SOD2: variants seen among roughly 807,000 people sequenced by gnomAD.
The protein encoded by SOD2 is superoxide dismutase 2, also known as superoxide dismutase [Mn], mitochondrial.
In SOD2, 11 loss-of-function variants were observed where a neutral mutation model predicts 27.0. That is an observed-to-expected ratio of 0.41 (90% confidence interval 0.26 to 0.67). SOD2 has a LOEUF of 0.67. Ranked by LOEUF, SOD2 falls within the 30% of genes least tolerant of loss-of-function variation. The probability of loss-of-function intolerance (pLI) is 0.34; values close to 1 mark genes in which losing one functional copy is unlikely to be tolerated. For synonymous variants in SOD2, 105 were observed against 103.0 expected (o/e 1.02, Z -0.12); for missense variants, 250 against 274.5 (o/e 0.91, Z 0.63).
chr6:159,735,342 T>C (rs1778842244), intron 1 of SOD2, among the ~76,000 whole-genome samples: 2 of 152,332 alleles, frequency 1.3e-5, no homozygotes, highest in African/African-American at 4.8e-5. Flanking sequence ...AGTTTCACCA[T>C]GTTGGCCAGA....
chr6:159,761,576 G>A (rs1486943838), exon 1 of SOD2: 2 of 456,050 alleles, frequency 4.4e-6, no homozygotes, highest in South Asian at 3.1e-5. Context: ...GAGCTGTGCT[G>A]AGACCCGCCG....
At chr6:159,733,677 G>GCTGAGGTGGGCAGATCAC (rs1778728598) in intron 1 of SOD2, among the ~76,000 whole-genome samples, 1 of 152,086 alleles carries the variant, frequency 6.6e-6, no homozygotes, top group African/African-American at 2.4e-5. Flanking sequence ...CACTTGGGAG[G>GCTGAGGTGGGCAGATCAC]CTGAGGTGGG....
chr6:159,753,417 A>C, intron 1 of SOD2: 1 of 1,613,444 alleles, frequency 6.2e-7, no homozygotes, highest in African/African-American at 1.3e-5. Context: ...AAAGACAGAG[A>C]GTTTTGTCTT....
chr6:159,712,485 G>A (rs200952446), intron 1 of SOD2, among the ~76,000 whole-genome samples: 55 of 34,144 alleles, frequency 1.6e-3, no homozygotes, highest in South Asian at 6.2e-3. Context: ...CCACCACTCA[G>A]CTGCTCTGAC....
chr6:159,699,023 ATTGCTG>A (rs1202899826), intron 1 of SOD2, among the ~76,000 whole-genome samples: 4 of 152,012 alleles, frequency 2.6e-5, no homozygotes, highest in Non-Finnish European at 5.9e-5. Context: ...GGTCAAGTGT[ATTGCTG>A]TTAAACCTGT....
At chr6:159,727,405 CAGT>C, upstream of SOD2, 1 of 1,208,754 alleles carries the variant, frequency 8.3e-7, no homozygotes, top group Non-Finnish European at 1.1e-6. Flanking sequence ...AGGCGGGAGG[CAGT>C]GGCGCTGGCC....
At position 159,673,813 on chromosome 6, in the gene SOD2, G is replaced by A. The variant is rs1779718858; in HGVS notation, c.*8680C>T. 4 of 152,122 alleles carry A rather than the reference G, an allele frequency of 2.6e-5. No individual in the cohort carries two copies. The highest frequency in any genetic ancestry group is 9.7e-5 in the African/African-American group (4 of 41,424). The allele number at this position is 152,122 out of a possible 1,614,324, so 9.4% of individuals were successfully genotyped here. A position where few individuals can be genotyped will look rare whatever the true frequency, so the allele number is the denominator to read the frequency against. On this transcript the variant is annotated 3_prime_UTR_variant, in exon 5 of 5. Transcript: ENST00000538183. Reference sequence around the variant, plus strand: ...AAAAAATGAATGAATCCAGGAGCTGGTTTTTTGAAAAGATAAACACAATTG... The same window carrying A: ...AAAAAATGAATGAATCCAGGAGCTGATTTTTTGAAAAGATAAACACAATTG...
chr6:159,700,180 T>C (rs1777499741), intron 1 of SOD2, among the ~76,000 whole-genome samples: 1 of 152,216 alleles, frequency 6.6e-6, no homozygotes, highest in African/African-American at 2.4e-5. Flanking sequence ...ACAAAACATA[T>C]TTAAGAGTGG....
At chr6:159,715,728 C>T (rs779526343) in intron 1 of SOD2, among the ~76,000 whole-genome samples, 31 of 151,650 alleles carry the variant, frequency 2.0e-4, no homozygotes, top group Non-Finnish European at 2.8e-4. Context: ...GGTGAGACTC[C>T]GTCTCCATAA....
chr6:159,713,780 A>G (rs1777875007), intron 1 of SOD2: 2 of 972,642 alleles, frequency 2.1e-6, no homozygotes, highest in Middle Eastern at 2.1e-4. Context: ...CTCTGTCTTT[A>G]AAGCCAATTT....
At chr6:159,747,411 A>C (rs187682760), upstream of SOD2, among the ~76,000 whole-genome samples, 4 of 152,314 alleles carry the variant, frequency 2.6e-5, no homozygotes, top group Admixed American at 2.6e-4. Context: ...TCTCAAAATA[A>C]GCAGTTTGGA....
At chr6:159,748,248 A>G (rs768577430), upstream of SOD2, 3 of 1,614,128 alleles carry the variant, frequency 1.9e-6, no homozygotes, top group East Asian at 2.2e-5. This position sits in a 1 kb window ranked among gnomAD's most constrained non-coding sequence, Gnocchi z 5.6. Context: ...ACTGAGATCA[A>G]CAATGGTAGA....
At chr6:159,700,636 G>A (rs1278783417) in intron 1 of SOD2, among the ~76,000 whole-genome samples, 2 of 140,256 alleles carry the variant, frequency 1.4e-5, no homozygotes, top group African/African-American at 2.8e-5. Flanking sequence ...TCTTGGTGAC[G>A]TGCGAGACTC....
At chr6:159,756,195 T>G (rs1323893777) in intron 1 of SOD2, 1 of 153,254 alleles carries the variant, frequency 6.5e-6, no homozygotes, top group East Asian at 1.9e-4. Flanking sequence ...TTAAGAAATT[T>G]GTGTGCATAG....
intron 1 of SOD2, among the ~76,000 whole-genome samples, chr6:159,702,850 GAAA>G (rs35570449): frequency 0.024 from 737 of 30,630 alleles, 13 homozygotes; most frequent in African/African-American, 0.081. Flanking sequence ...ACCCTATCTC[GAAA>G]AAAAAAAAAA....
At chr6:159,705,536 A>C (rs1777609392) in intron 1 of SOD2, among the ~76,000 whole-genome samples, 1 of 152,246 alleles carries the variant, frequency 6.6e-6, no homozygotes, top group Non-Finnish European at 1.5e-5. Context: ...TGAAGATCAA[A>C]TGAATGAAAT....
At chr6:159,737,608 T>C (rs2758315) in intron 1 of SOD2, among the ~76,000 whole-genome samples, 117,980 of 151,962 alleles carry the variant, frequency 0.78, 46,098 homozygotes, top group South Asian at 0.85. Context: ...CCTCCCACCT[T>C]TGCCCCCCAA....
chr6:159,719,743 T>TTGA (rs879340861), intron 1 of SOD2, among the ~76,000 whole-genome samples: 7 of 151,106 alleles, frequency 4.6e-5, no homozygotes, highest in East Asian at 1.9e-4. Context: ...TTTTTTTTTT[T>TTGA]GAGAGAGTCT....
chr6:159,734,962 C>T (rs73802948), intron 1 of SOD2, among the ~76,000 whole-genome samples: 5,210 of 151,914 alleles, frequency 0.034, 134 homozygotes, highest in South Asian at 0.067. Context: ...TATTAGCATT[C>T]GTTCTAAAAA....
Sources: gnomAD v4.1 joint callset for allele counts (sites outside exome capture counted in the v4.1 genomes callset) on GRCh38, gnomAD v4.1.1 for gene constraint, Gnocchi (gnomAD v3.1) non-coding constraint, MANE v1.5 for transcripts, NCBI Gene and HGNC (gene_info 2026-07-23, HGNC 2026-07-21) for gene names.